ALK: variants seen among roughly 807,000 people sequenced by gnomAD.
ALK encodes the protein ALK tyrosine kinase receptor.
Under a neutral mutation model 163.1 loss-of-function variants are expected in ALK, and 74 were observed. The observed-to-expected ratio is 0.45, with a 90% CI of 0.38 to 0.55. ALK has a LOEUF of 0.55. Ranked by LOEUF, ALK falls within the 20% of genes least tolerant of loss-of-function variation. The pLI is 0.00. For missense variants in ALK, 2,063 were observed against 2,105.3 expected (o/e 0.98, Z 0.39); for synonymous variants, 960 against 843.2 (o/e 1.14, Z -2.40).
chr2:29,463,426 A>G (rs1489272355), intron 4 of ALK, among the ~76,000 whole-genome samples: 11 of 152,146 alleles, frequency 7.2e-5, no homozygotes, highest in Non-Finnish European at 1.5e-5. Flanking sequence ...CTCCTCAAAA[A>G]CTTCTACTTT....
chr2:29,453,212 T>G (rs1031306720), intron 4 of ALK, among the ~76,000 whole-genome samples: 1 of 152,188 alleles, frequency 6.6e-6, no homozygotes, highest in East Asian at 1.9e-4. Flanking sequence ...CAACTCTTAT[T>G]TAAATATCAA....
At position 29,197,618 on chromosome 2, in the gene ALK, T is replaced by C. The variant is rs1558606775; in HGVS notation, c.3997A>G (p.Lys1333Glu). ...AACTCCAGAACTTCCTGGTTGCTTT[T>C]GCTGGGGTATGGCATATATCCAAGA... is the stretch of plus-strand genomic sequence containing the variant. The part of the protein sequence containing the change: ...FSLGYMPYPS[K>E]SNQEVLEFVT... Residue 1333 changes from lysine to glutamate, a missense_variant, in exon 27 of 29, where the codon AAA (lysine) becomes GAA (glutamate). By Grantham distance (56) the Lys-to-Glu change is moderately conservative. Around this residue, in one of 5 missense-constraint regions of ALK, gnomAD observed 403 missense variants for 366.2 expected, o/e 1.10. Transcript: ENST00000389048. 1 of 1,614,074 alleles carries C rather than the reference T, an allele frequency of 6.2e-7. No homozygotes were observed. The highest frequency in any genetic ancestry group is 1.1e-5 in the South Asian group (1 of 91,066).
chr2:29,674,215 A>T (rs1280254505), intron 3 of ALK, among the ~76,000 whole-genome samples: 1 of 151,824 alleles, frequency 6.6e-6, no homozygotes, highest in Admixed American at 6.6e-5. Context: ...CACTATGTTG[A>T]ATAGGAGAGG....
At chr2:29,918,892 T>G (rs887952107) in intron 1 of ALK, among the ~76,000 whole-genome samples, 8 of 152,252 alleles carry the variant, frequency 5.3e-5, no homozygotes, top group African/African-American at 1.7e-4. Flanking sequence ...TGTAGGCTTT[T>G]TAAAAGCCTG....
chr2:29,236,633 G>A (rs1664391558), intron 13 of ALK, among the ~76,000 whole-genome samples: 1 of 152,102 alleles, frequency 6.6e-6, no homozygotes, highest in African/African-American at 2.4e-5. Flanking sequence ...AGCAGCATTT[G>A]GAGGAGCTGC....
At chr2:29,548,547 C>CT (rs1673624963) in intron 3 of ALK, among the ~76,000 whole-genome samples, 1 of 151,654 alleles carries the variant, frequency 6.6e-6, no homozygotes, top group African/African-American at 2.4e-5. Flanking sequence ...CCTGTCTCCG[C>CT]TCTTCTTGTG....
intron 1 of ALK, among the ~76,000 whole-genome samples, chr2:29,830,502 T>C (rs1237753463): frequency 6.6e-6 from 1 of 151,904 alleles, no homozygotes; most frequent in African/African-American, 2.4e-5. Context: ...TTTAATCCCA[T>C]CCAGGGCTAA....
intron 1 of ALK, among the ~76,000 whole-genome samples, chr2:29,764,094 C>T (rs1573616412): frequency 6.6e-6 from 1 of 152,160 alleles, no homozygotes; most frequent in Non-Finnish European, 1.5e-5. Flanking sequence ...TTCCTTCAAC[C>T]CTAACCCATT....
chr2:29,317,728 T>G (rs1289791089), intron 8 of ALK, among the ~76,000 whole-genome samples: 3 of 152,206 alleles, frequency 2.0e-5, no homozygotes, highest in Non-Finnish European at 4.4e-5. Flanking sequence ...TCCATGAGCT[T>G]AATCACTGTA....
chr2:29,899,127 G>A (rs1284121311), intron 1 of ALK, among the ~76,000 whole-genome samples: 4 of 152,144 alleles, frequency 2.6e-5, no homozygotes, highest in African/African-American at 9.7e-5. Context: ...CCTACTGAAT[G>A]AGAAACTCTG....
At chr2:29,631,409 C>T (rs890881752) in intron 3 of ALK, among the ~76,000 whole-genome samples, 4 of 152,218 alleles carry the variant, frequency 2.6e-5, no homozygotes, top group Admixed American at 2.6e-4. Context: ...CTGCTTCTGG[C>T]TCTACTAATA....
In ALK at chr2:29,740,727, C is replaced by T. The variant is rs142886463; in HGVS notation, c.668-23030G>A. Reference sequence around the variant, plus strand: ...AAAAGAAATGTGCTATTAGGCTAGGCGTGGTGGCTCACACCTGTAATCCCA... The same window carrying T: ...AAAAGAAATGTGCTATTAGGCTAGGTGTGGTGGCTCACACCTGTAATCCCA... On this transcript the variant is annotated intron_variant, in intron 1 of 28. Coordinates refer to ENST00000389048, the MANE Select transcript of ALK (RefSeq NM_004304.5). 5.3e-5 allele frequency among the ~76,000 whole-genome samples: 8 copies of T among 152,258 alleles called. No individual in the cohort carries two copies. In the East Asian group the frequency reaches 7.7e-4, roughly 15 times the overall value.
At chr2:29,456,270 C>T (rs1014915346) in intron 4 of ALK, among the ~76,000 whole-genome samples, 1 of 152,086 alleles carries the variant, frequency 6.6e-6, no homozygotes, top group African/African-American at 2.4e-5. Context: ...TTTGTACACC[C>T]ACGTTCATGG....
chr2:29,250,537 C>T (rs1031510922), intron 12 of ALK, among the ~76,000 whole-genome samples: 1 of 152,158 alleles, frequency 6.6e-6, no homozygotes, highest in African/African-American at 2.4e-5. Flanking sequence ...CCAGTCTTAC[C>T]ATTAGCTTCA....
chr2:29,348,722 G>T (rs1668024512), intron 5 of ALK, among the ~76,000 whole-genome samples: 1 of 152,214 alleles, frequency 6.6e-6, no homozygotes, highest in African/African-American at 2.4e-5. Flanking sequence ...AAGTCAGTTT[G>T]GTTCTTGTGC....
chr2:29,355,546 A>AT (rs1042412679), intron 5 of ALK, among the ~76,000 whole-genome samples: 1 of 152,154 alleles, frequency 6.6e-6, no homozygotes, highest in African/African-American at 2.4e-5. Context: ...GCATGTCCTT[A>AT]TGCCACTATC....
At chr2:29,585,095 T>G (rs1191129884) in intron 3 of ALK, among the ~76,000 whole-genome samples, 1 of 152,254 alleles carries the variant, frequency 6.6e-6, no homozygotes, top group Non-Finnish European at 1.5e-5. Context: ...TGCTTATCTA[T>G]GTTTTCTCCT....
chr2:29,227,778 A>T lies in ALK; in HGVS notation c.2816-106T>A. ...CAGCTCTGGCCAAAGTTAGGGGGTC[A>T]CTGGGGACCTCAGGGGCAGGGATGC... On this transcript the variant is annotated intron_variant, in intron 16 of 28. Transcript: ENST00000389048. The surrounding 1 kb of genome is among the most constrained non-coding windows in gnomAD (Gnocchi z 4.4). 2.3e-6 allele frequency: 2 copies of T among 852,528 alleles called. No individual in the cohort carries two copies. The highest frequency in any genetic ancestry group is 2.9e-5 in the South Asian group (2 of 70,018). 52.8% of individuals were successfully genotyped at this position (852,528 alleles called of 1,614,324 possible). A position where few individuals can be genotyped will look rare whatever the true frequency, so the allele number is the denominator to read the frequency against.
At chr2:29,536,402 G>A (rs929861059) in intron 3 of ALK, among the ~76,000 whole-genome samples, 1 of 152,100 alleles carries the variant, frequency 6.6e-6, no homozygotes, top group South Asian at 2.1e-4. Flanking sequence ...TGGCATGCTG[G>A]TTCCTTGTTG....
Sources: gnomAD v4.1 joint callset for allele counts (sites outside exome capture counted in the v4.1 genomes callset) on GRCh38, gnomAD v4.1.1 for gene constraint, gnomAD v4.1.1 regional missense constraint, Gnocchi (gnomAD v3.1) non-coding constraint, MANE v1.5 for transcripts, NCBI Gene and HGNC (gene_info 2026-07-23, HGNC 2026-07-21) for gene names.